The following CNNM2 variants were observed in gnomAD, a reference collection of about 807,000 sequenced individuals.
CNNM2 encodes metal transporter CNNM2.
CNNM2 carries 12 observed loss-of-function variants against 66.9 expected under a neutral mutation model. That is an observed-to-expected ratio of 0.18 (90% CI 0.11 to 0.29). The LOEUF is 0.29. Among genes scored for constraint, CNNM2 ranks in the 10% least tolerant of loss-of-function variants. The probability of loss-of-function intolerance (pLI) is 1.00; values close to 1 mark genes in which losing one functional copy is unlikely to be tolerated. For missense variants in CNNM2, 705 were observed against 1,167.7 expected (o/e 0.60, Z 5.77); for synonymous variants, 557 against 501.8 (o/e 1.11, Z -1.47).
intron 2 of CNNM2, among the ~76,000 whole-genome samples, chr10:103,052,153 C>T (rs1024297935): frequency 2.6e-5 from 4 of 151,450 alleles, no homozygotes; most frequent in Non-Finnish European, 4.4e-5. Context: ...TGGTGGCGTG[C>T]GCCTGTAGTC....
At chr10:102,973,815 TTC>T (rs2063583667) in intron 1 of CNNM2, among the ~76,000 whole-genome samples, 1 of 50,018 alleles carries the variant, frequency 2.0e-5, no homozygotes, top group Non-Finnish European at 3.5e-5. Flanking sequence ...TTTTCATGTA[TTC>T]CCCCCCCCCC....
intron 1 of CNNM2, among the ~76,000 whole-genome samples, chr10:102,929,367 T>C (rs866636982): frequency 1.7e-4 from 26 of 151,944 alleles, no homozygotes; most frequent in African/African-American, 6.3e-4. Context: ...TGCTTGAATC[T>C]AGGAGTTTGA....
At chr10:102,935,471 T>C (rs1374860885) in intron 1 of CNNM2, among the ~76,000 whole-genome samples, 1 of 152,050 alleles carries the variant, frequency 6.6e-6, no homozygotes, top group Non-Finnish European at 1.5e-5. Context: ...AAAAAAACTT[T>C]TGTAGTATCT....
In CNNM2 at chr10:103,084,969, G is replaced by A. The variant is rs963066666; in HGVS notation, c.*7789G>A. The A allele has an allele frequency of 6.6e-6, 1 of 152,058 alleles. No individual in the cohort carries two copies. The highest frequency in any genetic ancestry group is 1.5e-5 in the Non-Finnish European group (1 of 68,024). 9.4% of individuals were successfully genotyped at this position (152,058 alleles called of 1,614,324 possible). On this transcript the variant is annotated 3_prime_UTR_variant, in exon 8 of 8. Transcript: ENST00000369878. ...TAAACTCTTTTGCTTTCTTTGTATG[G>A]TGGTTTTGTCATTTTCCCTCCAAGG...
At chr10:102,968,776 T>G (rs549798430) in intron 1 of CNNM2, among the ~76,000 whole-genome samples, 1 of 152,074 alleles carries the variant, frequency 6.6e-6, no homozygotes, top group African/African-American at 2.4e-5. Context: ...CCAGGCTAAT[T>G]TTTTTGTAGA....
At chr10:102,941,275 T>TA (rs1397435712) in intron 1 of CNNM2, among the ~76,000 whole-genome samples, 2 of 120,252 alleles carry the variant, frequency 1.7e-5, no homozygotes, top group African/African-American at 6.0e-5. Flanking sequence ...TTTTATTTTA[T>TA]AAAAAATTAC....
intron 4 of CNNM2, among the ~76,000 whole-genome samples, chr10:103,067,069 G>T (rs1400257178): frequency 6.6e-6 from 1 of 151,822 alleles, no homozygotes; most frequent in African/African-American, 2.4e-5. Context: ...AATATAAAAT[G>T]ATAGTTTGCA....
chr10:103,059,025 G>A lies in CNNM2; in HGVS notation c.2073+2061G>A, dbSNP rs574681895. ...ATCTTGCTCTGTCACCCAGGCTAGAGTGCAGTGGTGTGATCTTGGCTCACC... is the reference window on the plus strand; with the variant it reads ...ATCTTGCTCTGTCACCCAGGCTAGAATGCAGTGGTGTGATCTTGGCTCACC... On this transcript the variant is annotated intron_variant, in intron 4 of 7. Transcript: ENST00000369878. Among the ~76,000 whole-genome samples the A allele has an allele frequency of 2.0e-5, 3 of 152,330 alleles. No homozygotes were observed. In the South Asian group the frequency reaches 6.2e-4, roughly 32 times the overall value.
At chr10:103,018,034 G>A (rs1414183816) in intron 1 of CNNM2, among the ~76,000 whole-genome samples, 1 of 148,962 alleles carries the variant, frequency 6.7e-6, no homozygotes, top group African/African-American at 2.5e-5. Context: ...AGATCCTCAC[G>A]AGCTGCTCTA....
chr10:103,074,763 G>A (rs918003928), intron 6 of CNNM2, among the ~76,000 whole-genome samples: 31 of 152,176 alleles, frequency 2.0e-4, no homozygotes, highest in African/African-American at 7.0e-4. Context: ...GAGCCCAGGA[G>A]GTTGAAGCTA....
At chr10:103,004,239 G>A (rs2064182551) in intron 1 of CNNM2, among the ~76,000 whole-genome samples, 1 of 151,996 alleles carries the variant, frequency 6.6e-6, no homozygotes, top group Admixed American at 6.6e-5. Flanking sequence ...CCGACCTCAG[G>A]TGATCTGCCC....
chr10:102,971,787 G>T (rs2063550847), intron 1 of CNNM2, among the ~76,000 whole-genome samples: 1 of 151,982 alleles, frequency 6.6e-6, no homozygotes, highest in Non-Finnish European at 1.5e-5. Flanking sequence ...GTTTCAGTTG[G>T]CCTTACTAAC....
In CNNM2 at chr10:103,088,243, G is replaced by A. The variant is rs1191371737; in HGVS notation, c.*11063G>A. 6.6e-6 allele frequency: 1 copy of A among 152,190 alleles called. No homozygotes were observed. Among genetic ancestry groups the A allele is most frequent in the Non-Finnish European group, 1.5e-5 (1 of 68,020 alleles). The allele number at this position is 152,190 out of a possible 1,614,324, so 9.4% of individuals were successfully genotyped here. A position where few individuals can be genotyped will look rare whatever the true frequency, so the allele number is the denominator to read the frequency against. ...ACAAGAATGGAAGAAAATATACAAT[G>A]GTTAAAGAAAGAGTCTATAACCACT... On this transcript the variant is annotated 3_prime_UTR_variant, in exon 8 of 8. Transcript: ENST00000369878.
At chr10:103,044,328 T>C (rs1181250333) in intron 1 of CNNM2, among the ~76,000 whole-genome samples, 1 of 151,784 alleles carries the variant, frequency 6.6e-6, no homozygotes. Flanking sequence ...GGGAGGCCCA[T>C]GTGGATCACT....
intron 5 of CNNM2, among the ~76,000 whole-genome samples, chr10:103,068,954 C>T (rs867507382): frequency 3.3e-5 from 5 of 152,334 alleles, no homozygotes; most frequent in East Asian, 1.9e-4. Context: ...AGAGACAGGA[C>T]GTTACCAGCC....
At chr10:102,952,433 G>A (rs1438101089) in intron 1 of CNNM2, among the ~76,000 whole-genome samples, 4 of 151,816 alleles carry the variant, frequency 2.6e-5, no homozygotes, top group East Asian at 1.9e-4. Context: ...GCGTGGTGGC[G>A]GGTGCCTGTA....
intron 1 of CNNM2, among the ~76,000 whole-genome samples, chr10:102,977,516 A>G (rs2063654127): frequency 6.6e-6 from 1 of 152,098 alleles, no homozygotes; most frequent in Admixed American, 6.5e-5. Flanking sequence ...CCTTGTGAAA[A>G]AATTTTTAAA....
intron 1 of CNNM2, among the ~76,000 whole-genome samples, chr10:102,982,541 G>A (rs1434080407): frequency 1.3e-5 from 2 of 152,220 alleles, no homozygotes; most frequent in Admixed American, 6.5e-5. Context: ...GAGAGAAGCT[G>A]GCCCAGCTTT....
intron 1 of CNNM2, among the ~76,000 whole-genome samples, chr10:103,029,612 C>T (rs2064782699): frequency 6.6e-6 from 1 of 152,120 alleles, no homozygotes; most frequent in Non-Finnish European, 1.5e-5. Flanking sequence ...CCTGTAATCC[C>T]AGCACTTTGG....
Sources: allele counts gnomAD v4.1 joint callset (sites outside exome capture counted in the v4.1 genomes callset), GRCh38; gene constraint gnomAD v4.1.1; transcripts MANE v1.5; gene names NCBI Gene and HGNC (gene_info 2026-07-23, HGNC 2026-07-21).